PRKCE: variants seen among roughly 807,000 people sequenced by gnomAD.
PRKCE encodes the protein protein kinase C epsilon, also known as protein kinase C epsilon type.
A neutral mutation model predicts 85.4 loss-of-function variants in PRKCE; 16 were observed. That is an observed-to-expected ratio of 0.19 (90% CI 0.13 to 0.28). The LOEUF is 0.28. Ranked by LOEUF, PRKCE falls within the 10% of genes least tolerant of loss-of-function variation. PRKCE has a pLI of 1.00. For missense variants in PRKCE, 573 were observed against 975.2 expected (o/e 0.59, Z 5.49); for synonymous variants, 388 against 371.5 (o/e 1.04, Z -0.51).
At chr2:45,978,146 C>T (rs1702605469) in intron 3 of PRKCE, 1 of 152,342 alleles carries the variant, frequency 6.6e-6, no homozygotes, top group Non-Finnish European at 1.5e-5. Flanking sequence ...TTCCAATTAC[C>T]AGGGCAGACC....
At chr2:45,680,696 C>G (rs1402557996) in intron 1 of PRKCE, among the ~76,000 whole-genome samples, 1 of 152,138 alleles carries the variant, frequency 6.6e-6, no homozygotes, top group African/African-American at 2.4e-5. Context: ...AGCAGAAAAG[C>G]CTTTTTAACA....
chr2:45,817,511 G>A (rs1689166435), intron 1 of PRKCE, among the ~76,000 whole-genome samples: 1 of 147,416 alleles, frequency 6.8e-6, no homozygotes, highest in South Asian at 2.2e-4. Flanking sequence ...GGCTAACACG[G>A]TGAAACCCCG....
At chr2:46,023,066 G>T (rs952726459) in intron 10 of PRKCE, among the ~76,000 whole-genome samples, 1 of 132,844 alleles carries the variant, frequency 7.5e-6, no homozygotes, top group Non-Finnish European at 1.5e-5. Context: ...GTCCGTCCTG[G>T]GCGACAGAGC....
chr2:46,047,289 T>G (rs1285478262), intron 10 of PRKCE, among the ~76,000 whole-genome samples: 1 of 152,204 alleles, frequency 6.6e-6, no homozygotes, highest in Non-Finnish European at 1.5e-5. Context: ...CATCTCCAGT[T>G]GGCCAAGGGA....
At chr2:45,673,312 A>G (rs189916262) in intron 1 of PRKCE, among the ~76,000 whole-genome samples, 13 of 152,374 alleles carry the variant, frequency 8.5e-5, no homozygotes, top group Non-Finnish European at 2.9e-5. Flanking sequence ...CGAATGCCAT[A>G]ATCAAGTGAA....
intron 11 of PRKCE, among the ~76,000 whole-genome samples, chr2:46,119,339 AC>A (rs1026530051): frequency 1.4e-4 from 21 of 152,084 alleles, no homozygotes; most frequent in African/African-American, 4.6e-4. Context: ...TTTGGAAACA[AC>A]TTGGGCTATT....
chr2:46,173,564 A>G (rs1679127704), intron 14 of PRKCE, among the ~76,000 whole-genome samples: 1 of 152,270 alleles, frequency 6.6e-6, no homozygotes, highest in South Asian at 2.1e-4. Context: ...TCGCAGGAGC[A>G]AGAGCCAGGA....
chr2:46,129,352 A>G (rs188475162), intron 11 of PRKCE, among the ~76,000 whole-genome samples: 5 of 152,314 alleles, frequency 3.3e-5, no homozygotes, highest in African/African-American at 1.2e-4. Flanking sequence ...GATGAGTGGA[A>G]AAGAAACAAG....
intron 2 of PRKCE, among the ~76,000 whole-genome samples, chr2:45,884,123 A>G (rs1256162522): frequency 6.6e-6 from 1 of 152,176 alleles, no homozygotes; most frequent in Non-Finnish European, 1.5e-5. Flanking sequence ...TGTTGTGAAC[A>G]TCTGTATCCT....
rs116765176 is a variant in PRKCE at position 46,114,122 on chromosome 2, A to G, written c.1592+27760A>G. 1.5e-3 allele frequency among the ~76,000 whole-genome samples: 233 copies of G among 152,230 alleles called. 2 individuals carry two copies. The highest frequency in any genetic ancestry group is 5.3e-3 in the African/African-American group (221 of 41,534). ...GGCCTTTGGACCCGAATGAGCAGGG[A>G]GAAGCATATCCACAGAAGAACCCTG... On this transcript the variant is annotated intron_variant, in intron 11 of 14. Coordinates refer to ENST00000306156, the MANE Select transcript of PRKCE (RefSeq NM_005400.3).
chr2:45,996,248 T>C (rs1206633541), intron 6 of PRKCE, among the ~76,000 whole-genome samples: 1 of 152,148 alleles, frequency 6.6e-6, no homozygotes, highest in Non-Finnish European at 1.5e-5. Flanking sequence ...GTTCCAGGAG[T>C]TTTTTGTTGA....
chr2:45,699,112 T>G (rs1558569264), intron 1 of PRKCE, among the ~76,000 whole-genome samples: 1 of 152,054 alleles, frequency 6.6e-6, no homozygotes, highest in Non-Finnish European at 1.5e-5. Context: ...TAATATATTT[T>G]TTTCCTTCTG....
chr2:46,060,187 C>G (rs1263825161), intron 10 of PRKCE, among the ~76,000 whole-genome samples: 3 of 152,190 alleles, frequency 2.0e-5, no homozygotes, highest in African/African-American at 7.2e-5. Flanking sequence ...GTCTTTTTGC[C>G]ATATCTTTTC....
intron 11 of PRKCE, among the ~76,000 whole-genome samples, chr2:46,109,624 A>G (rs1260242651): frequency 2.0e-5 from 3 of 152,158 alleles, no homozygotes; most frequent in Admixed American, 6.5e-5. Context: ...GATTTTCTAC[A>G]TAGACAATTA....
intron 11 of PRKCE, among the ~76,000 whole-genome samples, chr2:46,128,746 T>G (rs945856141): frequency 6.6e-6 from 1 of 152,216 alleles, no homozygotes; most frequent in African/African-American, 2.4e-5. Context: ...GATAAGCCAA[T>G]GAAGTGTCAT....
chr2:46,107,432 A>G (rs1212534427), intron 11 of PRKCE, among the ~76,000 whole-genome samples: 1 of 152,160 alleles, frequency 6.6e-6, no homozygotes, highest in Non-Finnish European at 1.5e-5. Flanking sequence ...ATTCCACTTT[A>G]TGGCTGTACC....
chr2:45,919,070 G>A (rs1227320453), intron 2 of PRKCE, among the ~76,000 whole-genome samples: 1 of 152,194 alleles, frequency 6.6e-6, no homozygotes, highest in African/African-American at 2.4e-5. Context: ...GGCTGGATAA[G>A]CTGCATGTAA....
chr2:45,940,303 C>G (rs1416552910), intron 2 of PRKCE, among the ~76,000 whole-genome samples: 1 of 152,068 alleles, frequency 6.6e-6, no homozygotes, highest in Non-Finnish European at 1.5e-5. Context: ...GACACAGTGC[C>G]CAGAGTAGGC....
chr2:45,950,183 T>G (rs1210560710), intron 2 of PRKCE, among the ~76,000 whole-genome samples: 1 of 152,228 alleles, frequency 6.6e-6, no homozygotes, highest in Non-Finnish European at 1.5e-5. Flanking sequence ...CAAAATAGTT[T>G]TCTGCAAAAA....
Sources: gnomAD v4.1 joint callset for allele counts (sites outside exome capture counted in the v4.1 genomes callset) on GRCh38, gnomAD v4.1.1 for gene constraint, MANE v1.5 for transcripts, NCBI Gene and HGNC (gene_info 2026-07-23, HGNC 2026-07-21) for gene names.